The following SUMF1 variants were observed in gnomAD, a reference collection of about 807,000 sequenced individuals.
SUMF1 encodes the protein sulfatase modifying factor 1.
Under a neutral mutation model 47.6 loss-of-function variants are expected in SUMF1, and 48 were observed. That is an observed-to-expected ratio of 1.01 (90% CI 0.80 to 1.28). SUMF1 has a LOEUF of 1.28. Among genes scored for constraint, SUMF1 ranks in the 50% most tolerant of loss-of-function variants. The probability of loss-of-function intolerance (pLI) is 0.00; values close to 1 mark genes in which losing one functional copy is unlikely to be tolerated. For synonymous variants in SUMF1, 230 were observed against 192.1 expected, an observed-to-expected ratio of 1.20 and a Z score of -1.63; for missense variants, 571 against 485.4, an observed-to-expected ratio of 1.18 and a Z score of -1.66.
intron 8 of SUMF1, among the ~76,000 whole-genome samples, chr3:4,233,385 T>C (rs2062044676): frequency 6.6e-6 from 1 of 152,124 alleles, no homozygotes; most frequent in African/African-American, 2.4e-5. Context: ...CAGTGGGCCA[T>C]TTTCTTTTTT....
In SUMF1 at chr3:4,106,101, T is replaced by C. The variant is rs148501575; in HGVS notation, c.1015-37356A>G. Among the ~76,000 whole-genome samples, 399 of 152,154 alleles carry C rather than the reference T, an allele frequency of 2.6e-3. 2 individuals are homozygous for C. The highest frequency in any genetic ancestry group is 6.9e-3 in the African/African-American group (285 of 41,492). ...ACAAACTTTTCACTATAATAAACAA[T>C]ACTTCAGTGAACCTCCTTCTCTAAG... On this transcript the variant is annotated intron_variant and NMD_transcript_variant, in intron 8 of 12. Coordinates refer to the SUMF1 transcript ENST00000448413.
At chr3:4,039,234 T>TTTTTTA (rs869069592) in intron 9 of SUMF1, among the ~76,000 whole-genome samples, 2 of 123,216 alleles carry the variant, frequency 1.6e-5, no homozygotes, top group African/African-American at 3.5e-5. Flanking sequence ...TTTTTTTTTT[T>TTTTTTA]ATTATACTCT....
intron 8 of SUMF1, among the ~76,000 whole-genome samples, chr3:4,323,392 G>A (rs979851948): frequency 1.3e-5 from 2 of 152,184 alleles, no homozygotes; most frequent in Non-Finnish European, 2.9e-5. Context: ...GCAGGAAGGA[G>A]TATAGGGATT....
chr3:4,166,167 C>T (rs1038608532), intron 8 of SUMF1, among the ~76,000 whole-genome samples: 1 of 152,218 alleles, frequency 6.6e-6, no homozygotes. Context: ...TTTAGTGACC[C>T]TTACTGATGA....
intron 8 of SUMF1, among the ~76,000 whole-genome samples, chr3:4,210,978 T>G (rs1695767974): frequency 6.6e-6 from 1 of 151,222 alleles, no homozygotes. Context: ...AGGCTTCCTG[T>G]CCTCAAACAT....
At chr3:4,307,785 C>G (rs1698248371) in intron 8 of SUMF1, among the ~76,000 whole-genome samples, 1 of 152,074 alleles carries the variant, frequency 6.6e-6, no homozygotes, top group South Asian at 2.1e-4. Context: ...TCCCATAATC[C>G]CAACCCTTTT....
intron 8 of SUMF1, chr3:4,312,767 C>A: frequency 1.1e-6 from 1 of 925,292 alleles, no homozygotes; most frequent in South Asian, 2.1e-5. Context: ...TCTTAGTATG[C>A]TGTGTTTTGA....
At chr3:4,084,201 C>A (rs1057351965) in intron 8 of SUMF1, among the ~76,000 whole-genome samples, 8 of 152,094 alleles carry the variant, frequency 5.3e-5, no homozygotes, top group Admixed American at 2.6e-4. Flanking sequence ...CAACTCCCTG[C>A]TTCTTGCTCC....
intron 8 of SUMF1, among the ~76,000 whole-genome samples, chr3:4,224,677 C>A (rs763385660): frequency 2.6e-5 from 4 of 151,884 alleles, no homozygotes; most frequent in East Asian, 1.9e-4. Flanking sequence ...TAGTGGTGGA[C>A]CCAAGACCAC....
rs180775389 is a variant in SUMF1 at position 4,259,847 on chromosome 3, C to T, written c.1014+116483G>A. On this transcript the variant is annotated intron_variant and NMD_transcript_variant, in intron 8 of 12. Coordinates refer to the SUMF1 transcript ENST00000448413. ...CAAAGGGAAGGCTATTAAAACAACCCATAATTTACTACTTAGAAACTATTA... is the reference window on the plus strand; with the variant it reads ...CAAAGGGAAGGCTATTAAAACAACCTATAATTTACTACTTAGAAACTATTA... Among the ~76,000 whole-genome samples the T allele has an allele frequency of 1.9e-4, 29 of 151,956 alleles. No individual in the cohort carries two copies. The East Asian group carries it at 5.6e-3, about 29-fold the overall frequency.
intron 8 of SUMF1, among the ~76,000 whole-genome samples, chr3:4,109,494 C>T (rs910109877): frequency 3.9e-5 from 6 of 152,118 alleles, no homozygotes; most frequent in Non-Finnish European, 5.9e-5. Context: ...TGGGGAAGTT[C>T]TCCTGGATAA....
chr3:4,254,139 C>G lies in SUMF1; in HGVS notation c.1014+122191G>C, dbSNP rs537564088. Among the ~76,000 whole-genome samples the G allele has an allele frequency of 2.9e-3, 441 of 151,140 alleles. 5 individuals carry two copies. Among genetic ancestry groups the G allele is most frequent in the Non-Finnish European group, 5.3e-3 (357 of 67,656 alleles). On this transcript the variant is annotated intron_variant and NMD_transcript_variant, in intron 8 of 12. Transcript: ENST00000448413. ...CATCACCATCATCAAAGACCAAAAG[C>G]AAAAAAAACCACAAAGATGGGGAAA...
chr3:4,239,832 C>T (rs939806217), intron 8 of SUMF1, among the ~76,000 whole-genome samples: 2 of 152,304 alleles, frequency 1.3e-5, no homozygotes, highest in East Asian at 3.9e-4. Context: ...TGAGAGAGGG[C>T]ATCCTTGTCT....
chr3:4,104,354 T>C (rs1693107302), intron 8 of SUMF1, among the ~76,000 whole-genome samples: 1 of 152,090 alleles, frequency 6.6e-6, no homozygotes, highest in Non-Finnish European at 1.5e-5. Context: ...AGACCTCTTT[T>C]TCTGTATAAA....
intron 3 of SUMF1, among the ~76,000 whole-genome samples, chr3:4,427,022 C>T (rs1702088878): frequency 6.6e-6 from 1 of 152,164 alleles, no homozygotes. Context: ...TCCCTGGGGA[C>T]ATAACCAGAC....
chr3:4,278,427 GT>G (rs1479991569), intron 8 of SUMF1, among the ~76,000 whole-genome samples: 1 of 152,050 alleles, frequency 6.6e-6, no homozygotes, highest in African/African-American at 2.4e-5. Context: ...AGGAGAAATT[GT>G]TAGAATTAAC....
chr3:4,358,651 T>C (rs1437636903), downstream of SUMF1, among the ~76,000 whole-genome samples: 1 of 152,234 alleles, frequency 6.6e-6, no homozygotes, highest in Admixed American at 6.5e-5. Flanking sequence ...CTTCTTTTAG[T>C]GCATCTAGTG....
At chr3:4,035,143 G>T (rs142577604) in intron 9 of SUMF1, among the ~76,000 whole-genome samples, 315 of 152,256 alleles carry the variant, frequency 2.1e-3, no homozygotes, top group African/African-American at 7.4e-3. Flanking sequence ...GTATGAGTTA[G>T]TCTATGGTTT....
intron 9 of SUMF1, among the ~76,000 whole-genome samples, chr3:4,050,134 C>A (rs1229432248): frequency 6.6e-6 from 1 of 151,834 alleles, no homozygotes; most frequent in East Asian, 1.9e-4. Flanking sequence ...AGCCAAAAGG[C>A]AGCTTTTGGG....
Sources: allele counts gnomAD v4.1 joint callset (sites outside exome capture counted in the v4.1 genomes callset), GRCh38; gene constraint gnomAD v4.1.1; transcripts MANE v1.5; gene names NCBI Gene and HGNC (gene_info 2026-07-23, HGNC 2026-07-21).